The following SCFD2 variants were observed in gnomAD, a reference collection of about 807,000 sequenced individuals.
The protein encoded by SCFD2 is sec1 family domain containing 2, also known as sec1 family domain-containing protein 2.
SCFD2 carries 54 observed loss-of-function variants against 58.9 expected under a neutral mutation model. That is an observed-to-expected ratio of 0.92 (90% CI 0.74 to 1.15). SCFD2 has a LOEUF of 1.15. Ranked by LOEUF, SCFD2 falls within the 50% of genes most tolerant of loss-of-function variation. The probability of loss-of-function intolerance (pLI) is 0.00; values close to 1 mark genes in which losing one functional copy is unlikely to be tolerated. For synonymous variants in SCFD2, 321 were observed against 335.9 expected (o/e 0.96, Z 0.49); for missense variants, 805 against 836.6 (o/e 0.96, Z 0.47).
chr4:52,978,798 C>T (rs1393918417), intron 5 of SCFD2, among the ~76,000 whole-genome samples: 1 of 152,080 alleles, frequency 6.6e-6, no homozygotes, highest in African/African-American at 2.4e-5. Flanking sequence ...ACAACTCTGG[C>T]CCCCTAAGAG....
chr4:52,951,390 A>C (rs549280631), intron 5 of SCFD2, among the ~76,000 whole-genome samples: 1 of 152,218 alleles, frequency 6.6e-6, no homozygotes, highest in Non-Finnish European at 1.5e-5. Flanking sequence ...CATGCATACT[A>C]CATTGTCTAA....
At chr4:53,188,845 CCA>C (rs1263728986) in intron 4 of SCFD2, among the ~76,000 whole-genome samples, 1 of 152,054 alleles carries the variant, frequency 6.6e-6, no homozygotes, top group Admixed American at 6.6e-5. Context: ...CCAGTCTATC[CCA>C]AATGCAGTGC....
At chr4:52,936,642 C>T (rs780489966) in intron 5 of SCFD2, among the ~76,000 whole-genome samples, 24 of 152,218 alleles carry the variant, frequency 1.6e-4, no homozygotes, top group Admixed American at 7.2e-4. Context: ...CTTCCAACGT[C>T]AGGCTGGCCC....
intron 3 of SCFD2, among the ~76,000 whole-genome samples, chr4:53,292,573 A>C (rs1731876082): frequency 6.6e-6 from 1 of 152,210 alleles, no homozygotes; most frequent in Admixed American, 6.5e-5. Context: ...GAGGCTGCAG[A>C]GAAAAAGGAA....
chr4:53,129,399 G>A (rs373046083), intron 5 of SCFD2, among the ~76,000 whole-genome samples: 1 of 152,210 alleles, frequency 6.6e-6, no homozygotes, highest in East Asian at 1.9e-4. Flanking sequence ...TCAGGCTTCT[G>A]TGGGAATTAT....
At chr4:52,982,168 C>T (rs534429601) in intron 5 of SCFD2, among the ~76,000 whole-genome samples, 224 of 152,218 alleles carry the variant, frequency 1.5e-3, no homozygotes, top group African/African-American at 5.3e-3. Flanking sequence ...GAAGTGGAAG[C>T]CATACAATGG....
chr4:53,332,928 A>T (rs1379156096), intron 2 of SCFD2, among the ~76,000 whole-genome samples: 5 of 151,554 alleles, frequency 3.3e-5, no homozygotes, highest in Admixed American at 3.3e-4. Flanking sequence ...ATGTACAAAA[A>T]TCACAAGCAT....
intron 5 of SCFD2, among the ~76,000 whole-genome samples, chr4:53,067,419 T>C (rs1297499948): frequency 2.0e-5 from 3 of 151,996 alleles, no homozygotes; most frequent in Admixed American, 1.3e-4. Flanking sequence ...TGGCAGCCTT[T>C]CAGAATGGGT....
At chr4:53,219,451 T>C (rs557398983) in intron 4 of SCFD2, among the ~76,000 whole-genome samples, 3 of 152,298 alleles carry the variant, frequency 2.0e-5, no homozygotes, top group African/African-American at 7.2e-5. Flanking sequence ...TGGGATATAA[T>C]TTCCTGGTGT....
At chr4:52,992,938 T>C (rs1334668662) in intron 5 of SCFD2, among the ~76,000 whole-genome samples, 1 of 151,840 alleles carries the variant, frequency 6.6e-6, no homozygotes, top group Non-Finnish European at 1.5e-5. Flanking sequence ...ACGATGGCGG[T>C]TTTGTCGAAT....
At chr4:53,160,794 C>T (rs4555709) in intron 4 of SCFD2, among the ~76,000 whole-genome samples, 13,940 of 152,178 alleles carry the variant, frequency 0.092, 1,033 homozygotes, top group South Asian at 0.22. Flanking sequence ...AAAGTATCAA[C>T]GTGCTTCCCA....
At chr4:53,137,218 G>A (rs866721038) in intron 5 of SCFD2, among the ~76,000 whole-genome samples, 73 of 152,216 alleles carry the variant, frequency 4.8e-4, no homozygotes, top group African/African-American at 1.7e-3. Flanking sequence ...CTTCTGAGTG[G>A]GGCTTTCAAG....
intron 4 of SCFD2, among the ~76,000 whole-genome samples, chr4:53,222,165 T>C (rs1322971327): frequency 6.6e-6 from 1 of 152,214 alleles, no homozygotes; most frequent in Non-Finnish European, 1.5e-5. Flanking sequence ...CTCACCTTTG[T>C]TTTTCTAACA....
intron 5 of SCFD2, among the ~76,000 whole-genome samples, chr4:53,141,540 G>GAC (rs1486888601): frequency 6.6e-6 from 1 of 151,904 alleles, no homozygotes; most frequent in Non-Finnish European, 1.5e-5. Context: ...GTATGAAAAG[G>GAC]ACACCTCTTC....
At chr4:53,151,513 C>T (rs1237516450) in intron 4 of SCFD2, among the ~76,000 whole-genome samples, 1 of 152,164 alleles carries the variant, frequency 6.6e-6, no homozygotes, top group Non-Finnish European at 1.5e-5. Flanking sequence ...TAAAATGCCA[C>T]TGCAAAGTCA....
At chr4:53,348,739 G>C (rs959355410) in intron 2 of SCFD2, among the ~76,000 whole-genome samples, 4 of 148,044 alleles carry the variant, frequency 2.7e-5, no homozygotes, top group Non-Finnish European at 1.5e-5. Flanking sequence ...TTTTGAGACA[G>C]GGTCTCACTC....
At chr4:53,288,920 T>C (rs996093413) in intron 3 of SCFD2, among the ~76,000 whole-genome samples, 12 of 152,084 alleles carry the variant, frequency 7.9e-5, no homozygotes, top group African/African-American at 2.7e-4. Flanking sequence ...AGTCAAAATA[T>C]TCAAAAACAA....
chr4:53,300,156 A>G (rs1293845818), intron 3 of SCFD2, among the ~76,000 whole-genome samples: 1 of 152,334 alleles, frequency 6.6e-6, no homozygotes, highest in African/African-American at 2.4e-5. Flanking sequence ...AGACTGGCAA[A>G]TTGGATAAAG....
chr4:53,223,807 A>G (rs1435261859), intron 4 of SCFD2, among the ~76,000 whole-genome samples: 6 of 152,348 alleles, frequency 3.9e-5, no homozygotes, highest in Admixed American at 3.9e-4. Flanking sequence ...GCCAGACACA[A>G]TGTTAACTAC....
Sources: allele counts gnomAD v4.1 joint callset (sites outside exome capture counted in the v4.1 genomes callset), GRCh38; gene constraint gnomAD v4.1.1; transcripts MANE v1.5; gene names NCBI Gene and HGNC (gene_info 2026-07-23, HGNC 2026-07-21).